HDAC4: variants seen among roughly 807,000 people sequenced by gnomAD.
The protein encoded by HDAC4 is histone deacetylase A.
In HDAC4, 16 loss-of-function variants were observed where a neutral mutation model predicts 135.1. The observed-to-expected ratio is 0.12, with a 90% confidence interval of 0.08 to 0.18. The LOEUF (loss-of-function observed/expected upper bound fraction) is 0.18, where lower values mean the gene tolerates loss of function less well. HDAC4 is among the 10% of genes least tolerant of loss of function. The pLI is 1.00. For synonymous variants in HDAC4, 685 were observed against 653.4 expected, an observed-to-expected ratio of 1.05 and a Z score of -0.74; for missense variants, 1,143 against 1,511.8, an observed-to-expected ratio of 0.76 and a Z score of 4.05.
Position 239,318,282 on chromosome 2 carries a change from G to A in HDAC4, c.22+34396C>T, listed in dbSNP as rs979863016. Among the ~76,000 whole-genome samples the A allele has an allele frequency of 7.9e-5, 12 of 152,358 alleles. No individual in the cohort carries two copies. In the South Asian group the frequency reaches 2.3e-3, roughly 29 times the overall value. On this transcript the variant is annotated intron_variant, in intron 2 of 26. Transcript: ENST00000543185. The stretch of plus-strand genomic sequence containing the variant: ...GCAGCAACGAAATACTGCGGTGGCC[G>A]CCAAGCCCAGCGGCATCACTGGAAT...
chr2:239,267,781 T>C (rs1414661263), intron 2 of HDAC4, among the ~76,000 whole-genome samples: 4 of 152,254 alleles, frequency 2.6e-5, no homozygotes, highest in Non-Finnish European at 5.9e-5. Context: ...CCTCGCAGGC[T>C]TCTCCCTCCG....
At chr2:239,354,559 GA>G (rs754753427) in intron 1 of HDAC4, among the ~76,000 whole-genome samples, 122 of 115,246 alleles carry the variant, frequency 1.1e-3, no homozygotes, top group East Asian at 6.2e-3. Flanking sequence ...AATTAGTCTA[GA>G]AATTTTTTTT....
intron 3 of HDAC4, among the ~76,000 whole-genome samples, chr2:239,197,753 G>C (rs1397138444): frequency 6.6e-6 from 1 of 151,492 alleles, no homozygotes. Context: ...ATGGACCCTG[G>C]ATATTCTTTT....
chr2:239,219,944 G>C (rs1268405440), intron 3 of HDAC4, among the ~76,000 whole-genome samples: 2 of 152,362 alleles, frequency 1.3e-5, no homozygotes, highest in East Asian at 3.9e-4. Flanking sequence ...ACTCACGGCA[G>C]AGCAAACACA....
chr2:239,288,704 C>A (rs2051287159), intron 2 of HDAC4, among the ~76,000 whole-genome samples: 1 of 151,052 alleles, frequency 6.6e-6, no homozygotes, highest in Non-Finnish European at 1.5e-5. Flanking sequence ...AACAAAACAA[C>A]TACAATCTAC....
chr2:239,251,316 G>A (rs114260669), intron 2 of HDAC4, among the ~76,000 whole-genome samples: 3,022 of 152,296 alleles, frequency 0.02, 107 homozygotes, highest in African/African-American at 0.068. Context: ...TTCCCAGCCA[G>A]GCACAGTGGT....
chr2:239,215,799 T>A (rs2046601634), intron 3 of HDAC4, among the ~76,000 whole-genome samples: 1 of 152,182 alleles, frequency 6.6e-6, no homozygotes, highest in Admixed American at 6.5e-5. Context: ...GACGCGGTCA[T>A]CAGTTCCGCG....
chr2:239,291,797 C>A (rs1027510622), intron 2 of HDAC4, among the ~76,000 whole-genome samples: 3 of 152,192 alleles, frequency 2.0e-5, no homozygotes, highest in African/African-American at 7.2e-5. Context: ...TTTCCAGTGT[C>A]CACCATCGCC....
At chr2:239,077,533 A>G (rs1397501297) in intron 22 of HDAC4, among the ~76,000 whole-genome samples, 1 of 152,272 alleles carries the variant, frequency 6.6e-6, no homozygotes, top group Non-Finnish European at 1.5e-5. Context: ...GAGCTCTCTC[A>G]GCTCTGAGGC....
In HDAC4 at chr2:239,349,059, G is replaced by A. The variant is rs912753697; in HGVS notation, c.22+3619C>T. Among the ~76,000 whole-genome samples, 14 of 152,214 alleles carry A rather than the reference G, an allele frequency of 9.2e-5. No homozygotes were observed. Among genetic ancestry groups the A allele is most frequent in the African/African-American group, 3.4e-4 (14 of 41,456 alleles). On this transcript the variant is annotated intron_variant, in intron 2 of 26. Coordinates refer to ENST00000543185, the MANE Select transcript of HDAC4 (RefSeq NM_001378414.1). This position sits in a 1 kb window ranked among gnomAD's most constrained non-coding sequence, Gnocchi z 5.7. ...AAATGTGAGAGGGGGCCCATGGGCG[G>A]CTGGACTCCCCCAGCCCGGCCTGCC...
chr2:239,230,093 A>G (rs1209300185), intron 3 of HDAC4, among the ~76,000 whole-genome samples: 7 of 152,130 alleles, frequency 4.6e-5, no homozygotes, highest in South Asian at 2.1e-4. Context: ...CTGTTTTATC[A>G]GTCGTGAGAT....
rs905029248 is a variant in HDAC4, at chr2:239,331,703, T to G, written c.22+20975A>C. 1.3e-5 allele frequency among the ~76,000 whole-genome samples: 2 copies of G among 152,048 alleles called. No individual in the cohort carries two copies. The highest frequency in any genetic ancestry group is 4.8e-5 in the African/African-American group (2 of 41,394). Reference sequence around the variant, plus strand: ...TTCCACTCTGGGCTACAGCGGGCCATACTAACCCTCCAGCCAGGAACACAG... The same window carrying G: ...TTCCACTCTGGGCTACAGCGGGCCAGACTAACCCTCCAGCCAGGAACACAG... On this transcript the variant is annotated intron_variant, in intron 2 of 26. Coordinates refer to ENST00000543185, the MANE Select transcript of HDAC4 (RefSeq NM_001378414.1). The surrounding 1 kb of genome is among the most constrained non-coding windows in gnomAD (Gnocchi z 4.5).
intron 22 of HDAC4, among the ~76,000 whole-genome samples, chr2:239,074,681 G>T (rs1036337119): frequency 2.0e-5 from 3 of 152,230 alleles, no homozygotes; most frequent in Non-Finnish European, 4.4e-5. Context: ...CAGAACGTGA[G>T]GTGCATGAGT....
intron 1 of HDAC4, among the ~76,000 whole-genome samples, chr2:239,371,089 G>C (rs1052776439): frequency 1.3e-5 from 2 of 152,214 alleles, no homozygotes; most frequent in African/African-American, 4.8e-5. Context: ...CTGGGACAGG[G>C]AATCACCCAG....
intron 2 of HDAC4, among the ~76,000 whole-genome samples, chr2:239,263,373 C>T (rs1268596270): frequency 6.6e-6 from 1 of 150,780 alleles, no homozygotes; most frequent in African/African-American, 2.4e-5. Flanking sequence ...CCGCCCAGTC[C>T]CCTGCCTGGA....
intron 7 of HDAC4, among the ~76,000 whole-genome samples, chr2:239,147,173 G>A (rs1237541554): frequency 1.3e-5 from 2 of 152,212 alleles, no homozygotes; most frequent in African/African-American, 4.8e-5. Context: ...GGATGCTGGA[G>A]ACCACCCGGG....
chr2:239,107,430 C>T (rs2038253708), intron 15 of HDAC4, among the ~76,000 whole-genome samples: 1 of 152,202 alleles, frequency 6.6e-6, no homozygotes, highest in African/African-American at 2.4e-5. Flanking sequence ...TCCCCGAAGC[C>T]TCCTCGTGTG....
rs549558158 is a variant in HDAC4, at chr2:239,069,881, G to A, written c.2751-1274C>T. Among the ~76,000 whole-genome samples the A allele has an allele frequency of 1.7e-4, 26 of 152,310 alleles. No homozygotes were observed. The South Asian group carries it at 5.4e-3, about 32-fold the overall frequency. On this transcript the variant is annotated intron_variant, in intron 22 of 26. Transcript: ENST00000543185. ...GCTGTTTCTTGGTATGCTGTTTTCTGTATAATTTCTGTAACCCCCATGGGA... is the reference window on the plus strand; with the variant it reads ...GCTGTTTCTTGGTATGCTGTTTTCTATATAATTTCTGTAACCCCCATGGGA...
chr2:239,125,578 C>A (rs943817445), intron 12 of HDAC4, among the ~76,000 whole-genome samples: 1 of 152,180 alleles, frequency 6.6e-6, no homozygotes, highest in Non-Finnish European at 1.5e-5. Context: ...TGTGTGCTTT[C>A]ATCTCTGGCC....
Sources: gnomAD v4.1 joint callset for allele counts (sites outside exome capture counted in the v4.1 genomes callset) on GRCh38, gnomAD v4.1.1 for gene constraint, Gnocchi (gnomAD v3.1) non-coding constraint, MANE v1.5 for transcripts, NCBI Gene and HGNC (gene_info 2026-07-23, HGNC 2026-07-21) for gene names.